YAP1: variants seen among roughly 807,000 people sequenced by gnomAD.
YAP1 encodes transcriptional coactivator YAP1.
YAP1 carries 5 observed loss-of-function variants against 56.9 expected under a neutral mutation model. That is an observed-to-expected ratio of 0.09 (90% confidence interval 0.05 to 0.18). YAP1 has a LOEUF of 0.18. Ranked by LOEUF, YAP1 falls within the 10% of genes least tolerant of loss-of-function variation. The pLI, the probability that YAP1 is intolerant of heterozygous loss-of-function variation, is 1.00. For synonymous variants in YAP1, 265 were observed against 248.1 expected (o/e 1.07, Z -0.64); for missense variants, 539 against 651.8 (o/e 0.83, Z 1.88).
intron 2 of YAP1, among the ~76,000 whole-genome samples, chr11:102,129,862 G>A (rs986956820): frequency 6.7e-6 from 1 of 149,452 alleles, no homozygotes; most frequent in Admixed American, 6.7e-5. Flanking sequence ...TGATGCAGTG[G>A]CACTATCTCA....
chr11:102,206,538 T>C (rs1219842944), intron 5 of YAP1, among the ~76,000 whole-genome samples: 3 of 152,214 alleles, frequency 2.0e-5, no homozygotes, highest in African/African-American at 4.8e-5. Context: ...AGAATTTTCA[T>C]TGAAAACAAA....
intron 2 of YAP1, among the ~76,000 whole-genome samples, chr11:102,133,321 A>G (rs577324308): frequency 1.3e-5 from 2 of 152,254 alleles, no homozygotes; most frequent in East Asian, 3.9e-4. Flanking sequence ...TTTGGGACAG[A>G]GTCTCACTCT....
At chr11:102,201,451 T>A (rs1948854817) in intron 4 of YAP1, among the ~76,000 whole-genome samples, 1 of 152,194 alleles carries the variant, frequency 6.6e-6, no homozygotes, top group South Asian at 2.1e-4. Context: ...ATCTCTGAAA[T>A]TCAAAGACAG....
intron 2 of YAP1, among the ~76,000 whole-genome samples, chr11:102,151,679 G>A (rs531888184): frequency 1.3e-5 from 2 of 152,264 alleles, no homozygotes; most frequent in East Asian, 3.9e-4. Context: ...CACTTAGTAG[G>A]TGTTCAGTAA....
At position 102,158,680 on chromosome 11, in the gene YAP1, TTTAG is replaced by T. The variant is rs1946097304; in HGVS notation, c.573-3772_573-3769del. Among the ~76,000 whole-genome samples, 3 of 152,348 alleles carry T rather than the reference TTTAG, an allele frequency of 2.0e-5. No individual in the cohort carries two copies. The South Asian group carries it at 6.2e-4, about 32-fold the overall frequency. ...TTAATCTCTTTCTTAGTATATTATTTTTAGTTATTTATTTTACTAACCTACATGA... is the reference window on the plus strand; with the variant it reads ...TTAATCTCTTTCTTAGTATATTATTTTTATTTATTTTACTAACCTACATGA... On this transcript the variant is annotated intron_variant, in intron 2 of 8. Transcript: ENST00000282441.
intron 2 of YAP1, among the ~76,000 whole-genome samples, chr11:102,119,654 A>C (rs891639439): frequency 7.1e-6 from 1 of 140,416 alleles, no homozygotes; most frequent in Non-Finnish European, 1.5e-5. Context: ...AAAAAAAAAA[A>C]CCCAGGTTTT....
At chr11:102,140,872 C>G (rs144105514) in intron 2 of YAP1, among the ~76,000 whole-genome samples, 1 of 151,794 alleles carries the variant, frequency 6.6e-6, no homozygotes, top group African/African-American at 2.4e-5. Flanking sequence ...TTAATCCCTA[C>G]GTTCTCTTGG....
intron 2 of YAP1, among the ~76,000 whole-genome samples, chr11:102,132,630 T>C (rs1944433253): frequency 6.6e-6 from 1 of 152,212 alleles, no homozygotes; most frequent in African/African-American, 2.4e-5. Context: ...TTTTTGCTTC[T>C]TTTTGACACC....
At chr11:102,220,782 G>C (rs1480720849) in intron 6 of YAP1, among the ~76,000 whole-genome samples, 1 of 152,206 alleles carries the variant, frequency 6.6e-6, no homozygotes, top group Non-Finnish European at 1.5e-5. Context: ...TTCTAAGCCA[G>C]TTCTTGGGTA....
rs756175059 is a variant in YAP1, at chr11:102,205,969, C to T, written c.879C>T (p.Gly293=). 1.5e-5 allele frequency: 25 copies of T among 1,613,418 alleles called. No homozygotes were observed. The East Asian group carries it at 2.2e-4, about 14-fold the overall frequency. The change falls in exon 5 of 9, where the codon GGC becomes GGT. Residue 293 remains glycine (G), a synonymous_variant. Coordinates refer to ENST00000282441, the MANE Select transcript of YAP1 (RefSeq NM_001130145.3). ...TGGCTCCCCAGAGCCCACAGGGAGG[C>T]GTCATGGGTGGCAGCAACTCCAACC... ...PPLAPQSPQG[G]VMGGSNSNQQ...
In YAP1 at chr11:102,132,526, C is replaced by T. The variant is rs1191921263; in HGVS notation, c.572+18132C>T. 3.3e-5 allele frequency among the ~76,000 whole-genome samples: 5 copies of T among 152,304 alleles called. 1 individual carries two copies. The East Asian group carries it at 9.6e-4, about 29-fold the overall frequency. On this transcript the variant is annotated intron_variant, in intron 2 of 8. Transcript: ENST00000282441. ...GAGACAGATTGTTTCAAAGTGAGGACTATGCATTACACAAACATTGTTAAC... is the reference window on the plus strand; with the variant it reads ...GAGACAGATTGTTTCAAAGTGAGGATTATGCATTACACAAACATTGTTAAC...
chr11:102,220,028 C>CCGG (rs1339000823), intron 6 of YAP1, among the ~76,000 whole-genome samples: 1 of 151,844 alleles, frequency 6.6e-6, no homozygotes, highest in Non-Finnish European at 1.5e-5. Flanking sequence ...GCCACCACAC[C>CCGG]CAGCCAATGG....
intron 3 of YAP1, among the ~76,000 whole-genome samples, chr11:102,166,040 A>G (rs1002393786): frequency 3.3e-5 from 5 of 152,212 alleles, no homozygotes; most frequent in African/African-American, 9.6e-5. Flanking sequence ...GTCAGACAGT[A>G]TGATGGGGAA....
chr11:102,133,528 C>T (rs1478044612), intron 2 of YAP1, among the ~76,000 whole-genome samples: 1 of 152,168 alleles, frequency 6.6e-6, no homozygotes, highest in African/African-American at 2.4e-5. Context: ...AACTCCAAGG[C>T]CCAAGTGATC....
At chr11:102,215,016 T>G (rs1949591644) in intron 6 of YAP1, among the ~76,000 whole-genome samples, 1 of 152,214 alleles carries the variant, frequency 6.6e-6, no homozygotes, top group African/African-American at 2.4e-5. Flanking sequence ...AAAGTTGTTC[T>G]AAAGTTAAAA....
chr11:102,123,895 G>A (rs374855128), intron 2 of YAP1, among the ~76,000 whole-genome samples: 1 of 151,658 alleles, frequency 6.6e-6, no homozygotes, highest in African/African-American at 2.4e-5. Flanking sequence ...CCAAAGTGCT[G>A]GGATTACAGG....
At chr11:102,223,588 T>C in intron 6 of YAP1, 34 bp from the exon 7 acceptor site, 2 of 1,607,220 alleles carry the variant, frequency 1.2e-6, no homozygotes, top group South Asian at 1.1e-5. Flanking sequence ...TGTTAATCAG[T>C]AGATTGATTC....
rs1565294576 is a variant in YAP1 at position 102,230,033 on chromosome 11, A to G, written c.*93A>G. 3.7e-6 allele frequency: 4 copies of G among 1,069,866 alleles called. No homozygotes were observed. Among genetic ancestry groups the G allele is most frequent in the East Asian group, 2.4e-5 (1 of 42,150 alleles). 66.3% of individuals were successfully genotyped at this position (1,069,866 alleles called of 1,614,324 possible). On this transcript the variant is annotated 3_prime_UTR_variant, in exon 9 of 9. Coordinates refer to ENST00000282441, the MANE Select transcript of YAP1 (RefSeq NM_001130145.3). ...ATAAGCCAGTTGCAGTTTTCAGGCT[A>G]ATACAGAAAAAGATGAACAAACGTC...
intron 4 of YAP1, among the ~76,000 whole-genome samples, chr11:102,190,447 A>G (rs1460674869): frequency 1.3e-5 from 2 of 152,060 alleles, no homozygotes; most frequent in Admixed American, 6.6e-5. Context: ...CCTGGCCAAC[A>G]TAGTGAAACC....
Sources: gnomAD v4.1 joint callset for allele counts (sites outside exome capture counted in the v4.1 genomes callset) on GRCh38, gnomAD v4.1.1 for gene constraint, MANE v1.5 for transcripts, NCBI Gene and HGNC (gene_info 2026-07-23, HGNC 2026-07-21) for gene names.